Variants in TMEM178A observed in about 807,000 individuals in gnomAD.
TMEM178A encodes the protein transmembrane protein 178.
In TMEM178A, 12 loss-of-function variants were observed where a neutral mutation model predicts 29.1. The observed-to-expected ratio is 0.41, with a 90% CI of 0.26 to 0.67. The LOEUF is 0.67. Among genes scored for constraint, TMEM178A ranks in the 30% least tolerant of loss-of-function variants. TMEM178A has a pLI of 0.29. For synonymous variants in TMEM178A, 210 were observed against 187.2 expected (o/e 1.12, Z -0.99); for missense variants, 366 against 419.1 (o/e 0.87, Z 1.11).
Position 39,717,090 on chromosome 2 carries a change from A to G in TMEM178A, c.733A>G (p.Ser245Gly). 6.2e-7 allele frequency: 1 copy of G among 1,611,792 alleles called. No individual in the cohort carries two copies. Among genetic ancestry groups the G allele is most frequent in the Non-Finnish European group, 8.5e-7 (1 of 1,179,668 alleles). The change falls in exon 4 of 4, where the codon AGC becomes GGC. Residue 245 changes from serine (S) to glycine (G), a missense_variant. By Grantham distance (56) the Ser-to-Gly change is moderately conservative (BLOSUM62 0). Around this residue, in one of 2 missense-constraint regions of TMEM178A, gnomAD observed 119 missense variants for 172.2 expected, o/e 0.69. Coordinates refer to ENST00000281961, the MANE Select transcript of TMEM178A (RefSeq NM_152390.3). ...DLNRLPKLIYSLPADVEHGYS... is the reference protein window; with the variant it reads ...DLNRLPKLIYGLPADVEHGYS... ...GAACCGGCTCCCAAAGCTAATTTATAGCCTGCCTGCTGATGTGGAACATGG... is the reference window on the plus strand; with the variant it reads ...GAACCGGCTCCCAAAGCTAATTTATGGCCTGCCTGCTGATGTGGAACATGG...
At chr2:39,675,242 T>C (rs1186990977) in intron 1 of TMEM178A, among the ~76,000 whole-genome samples, 4 of 152,280 alleles carry the variant, frequency 2.6e-5, no homozygotes, top group Admixed American at 2.6e-4. Flanking sequence ...TGGGGGTATA[T>C]GGTGAGCTGA....
At chr2:39,666,495 T>G in intron 1 of TMEM178A, 121 bp downstream of exon 1, 1 of 732,000 alleles carries the variant, frequency 1.4e-6, no homozygotes, top group Non-Finnish European at 1.8e-6. Context: ...CTGGGCATTC[T>G]TGCATCCTTC....
At chr2:39,681,952 A>T (rs1241670933) in intron 1 of TMEM178A, among the ~76,000 whole-genome samples, 1 of 152,158 alleles carries the variant, frequency 6.6e-6, no homozygotes, top group Admixed American at 6.5e-5. Flanking sequence ...AACCCTGAGA[A>T]CCAGGAGCTG....
At chr2:39,719,179 T>C (rs1364832251), downstream of TMEM178A, among the ~76,000 whole-genome samples, 1 of 152,206 alleles carries the variant, frequency 6.6e-6, no homozygotes, top group Non-Finnish European at 1.5e-5. Flanking sequence ...CAGAGACGTA[T>C]AGAAAGGGTC....
chr2:39,733,764 A>G, the TMEM178A span, among the ~76,000 whole-genome samples: 1 of 152,150 alleles, frequency 6.6e-6, no homozygotes, highest in African/African-American at 2.4e-5. Context: ...TTTTTAGTGC[A>G]TAAATTTGAG....
At chr2:39,722,998 C>T in the TMEM178A span, among the ~76,000 whole-genome samples, 1 of 152,168 alleles carries the variant, frequency 6.6e-6, no homozygotes. Flanking sequence ...GGAAACCTTG[C>T]TATAGCAAGG....
chr2:39,700,204 T>A (rs1671722401), intron 1 of TMEM178A, among the ~76,000 whole-genome samples: 2 of 152,290 alleles, frequency 1.3e-5, no homozygotes, highest in East Asian at 1.9e-4. Flanking sequence ...TTGTTGATCT[T>A]CTGTCCAGTT....
intron 1 of TMEM178A, among the ~76,000 whole-genome samples, chr2:39,680,415 C>G (rs548366090): frequency 6.6e-6 from 1 of 152,300 alleles, no homozygotes; most frequent in South Asian, 2.1e-4. Flanking sequence ...GACATGCTTT[C>G]TTATTGCTAA....
chr2:39,730,065 T>A, the TMEM178A span, among the ~76,000 whole-genome samples: 2 of 152,134 alleles, frequency 1.3e-5, no homozygotes, highest in East Asian at 3.8e-4. Context: ...CTCTCTCTGA[T>A]TACTAGGAAC....
intron 3 of TMEM178A, among the ~76,000 whole-genome samples, chr2:39,711,648 AT>A (rs928076662): frequency 6.6e-6 from 1 of 152,040 alleles, no homozygotes; most frequent in African/African-American, 2.4e-5. Context: ...ATGAATCCAA[AT>A]TTTTTTTAAA....
chr2:39,710,805 C>T (rs912242705), intron 3 of TMEM178A, among the ~76,000 whole-genome samples: 5 of 152,228 alleles, frequency 3.3e-5, no homozygotes, highest in African/African-American at 1.2e-4. Flanking sequence ...TTCTAATGCT[C>T]TGCCATCTTC....
At chr2:39,689,843 A>G (rs1671236058) in intron 1 of TMEM178A, among the ~76,000 whole-genome samples, 1 of 152,230 alleles carries the variant, frequency 6.6e-6, no homozygotes, top group Non-Finnish European at 1.5e-5. Context: ...GAGAGATTCT[A>G]GAACCCCATT....
At chr2:39,685,065 G>A (rs1216127200) in intron 1 of TMEM178A, among the ~76,000 whole-genome samples, 1 of 152,034 alleles carries the variant, frequency 6.6e-6, no homozygotes, top group Non-Finnish European at 1.5e-5. Flanking sequence ...TTTTTTGCTT[G>A]TTTTAAAAAA....
chr2:39,668,588 G>T (rs933362284), intron 1 of TMEM178A, among the ~76,000 whole-genome samples: 1 of 152,194 alleles, frequency 6.6e-6, no homozygotes, highest in Non-Finnish European at 1.5e-5. Context: ...ATCTGTCATT[G>T]TTATAATTAA....
intron 3 of TMEM178A, among the ~76,000 whole-genome samples, chr2:39,709,591 T>C (rs1167830089): frequency 5.3e-5 from 8 of 152,222 alleles, no homozygotes; most frequent in Non-Finnish European, 1.2e-4. Context: ...CAGAGAGGAC[T>C]GCACTGCACA....
At chr2:39,675,298 T>A (rs2716688) in intron 1 of TMEM178A, among the ~76,000 whole-genome samples, 1 of 151,842 alleles carries the variant, frequency 6.6e-6, no homozygotes. Context: ...GCACCACCAC[T>A]GATTTGGAAA....
intron 1 of TMEM178A, among the ~76,000 whole-genome samples, chr2:39,695,994 A>T (rs1194953233): frequency 6.6e-6 from 1 of 152,242 alleles, no homozygotes; most frequent in African/African-American, 2.4e-5. Flanking sequence ...ACAGTAATCA[A>T]TTTAAAGCCA....
chr2:39,726,619 G>A, the TMEM178A span, among the ~76,000 whole-genome samples: 1 of 152,146 alleles, frequency 6.6e-6, no homozygotes, highest in Non-Finnish European at 1.5e-5. Flanking sequence ...ATTGTCCTTG[G>A]TTTCCATGTT....
rs188420722 is a variant in TMEM178A at position 39,714,937 on chromosome 2, A to G, written c.653-2073A>G. On this transcript the variant is annotated intron_variant, in intron 3 of 3. Coordinates refer to ENST00000281961, the MANE Select transcript of TMEM178A (RefSeq NM_152390.3). ...AATAAATATTCTTGTTTCATGTTTCATTTTGGAATAACAGAATCACAGAAA... is the reference window on the plus strand; with the variant it reads ...AATAAATATTCTTGTTTCATGTTTCGTTTTGGAATAACAGAATCACAGAAA... 5.3e-3 allele frequency among the ~76,000 whole-genome samples: 801 copies of G among 152,278 alleles called. 1 individual carries two copies. The highest frequency in any genetic ancestry group is 9.3e-3 in the Non-Finnish European group (635 of 68,000).
Sources: gnomAD v4.1 joint callset for allele counts (sites outside exome capture counted in the v4.1 genomes callset) on GRCh38, gnomAD v4.1.1 for gene constraint, gnomAD v4.1.1 regional missense constraint, MANE v1.5 for transcripts, NCBI Gene and HGNC (gene_info 2026-07-23, HGNC 2026-07-21) for gene names.